SLCO6A1: variants seen among roughly 807,000 people sequenced by gnomAD.
The protein encoded by SLCO6A1 is solute carrier organic anion transporter family member 6A1.
A neutral mutation model predicts 72.7 loss-of-function variants in SLCO6A1; 65 were observed. That is an observed-to-expected ratio of 0.89 (90% CI 0.73 to 1.10). The LOEUF (loss-of-function observed/expected upper bound fraction) is 1.10, where lower values mean the gene tolerates loss of function less well. SLCO6A1 is among the 50% of genes least tolerant of loss of function. The pLI is 0.00. For synonymous variants in SLCO6A1, 314 were observed against 298.2 expected, an observed-to-expected ratio of 1.05 and a Z score of -0.55; for missense variants, 874 against 872.6, an observed-to-expected ratio of 1.00 and a Z score of -0.02.
chr5:102,450,391 A>G (rs993789242), intron 6 of SLCO6A1, among the ~76,000 whole-genome samples: 21 of 152,222 alleles, frequency 1.4e-4, no homozygotes, highest in African/African-American at 4.3e-4. Context: ...AGCGGGATAT[A>G]TTAGCCAAGT....
chr5:102,391,599 G>C (rs567165336), intron 10 of SLCO6A1, among the ~76,000 whole-genome samples: 1 of 151,984 alleles, frequency 6.6e-6, no homozygotes, highest in South Asian at 2.1e-4. Flanking sequence ...TGTTCCATGG[G>C]TGAAGGAGTC....
chr5:102,438,596 A>G (rs1037409205), intron 7 of SLCO6A1, 21 bp downstream of exon 7: 1 of 1,571,156 alleles, frequency 6.4e-7, no homozygotes, highest in Non-Finnish European at 8.6e-7. Context: ...TTTTGAAATG[A>G]CAATAAGAAG....
At chr5:102,448,687 C>A (rs573872219) in intron 6 of SLCO6A1, among the ~76,000 whole-genome samples, 1 of 152,162 alleles carries the variant, frequency 6.6e-6, no homozygotes, top group East Asian at 1.9e-4. Flanking sequence ...ATAAGAATAG[C>A]AATCCCTGCT....
rs1751976803 is a variant in SLCO6A1 at position 102,477,701 on chromosome 5, A to G, written c.777T>C (p.Ala259=). 1.9e-6 allele frequency: 3 copies of G among 1,613,180 alleles called. No individual in the cohort carries two copies. Among genetic ancestry groups the G allele is most frequent in the African/African-American group, 2.7e-5 (2 of 74,886 alleles). The change falls in exon 3 of 14, where the codon GCT becomes GCC. Residue 259 remains alanine, a synonymous_variant. Coordinates refer to ENST00000506729, the MANE Select transcript of SLCO6A1 (RefSeq NM_173488.5). ...CTAAATAGATACCAGCTGAGTGTGT[A>G]GCAACATTCTCATCAATAAAGGTTA... ...LGITFIDENV[A]THSAGIYLGI...
At chr5:102,417,166 T>C (rs1372041382) in intron 8 of SLCO6A1, among the ~76,000 whole-genome samples, 2 of 152,170 alleles carry the variant, frequency 1.3e-5, no homozygotes, top group Non-Finnish European at 2.9e-5. Flanking sequence ...ACTCCAGCTT[T>C]CTTTTGCTTG....
intron 7 of SLCO6A1, among the ~76,000 whole-genome samples, chr5:102,423,715 G>A (rs4639187): frequency 0.64 from 97,525 of 152,002 alleles, 31,462 homozygotes; most frequent in African/African-American, 0.66. Flanking sequence ...ACAGATCAAC[G>A]AGATAGAAAA....
chr5:102,430,818 T>G (rs553092965), intron 7 of SLCO6A1, among the ~76,000 whole-genome samples: 1 of 152,248 alleles, frequency 6.6e-6, no homozygotes, highest in Admixed American at 6.5e-5. Context: ...TAGAATGAGA[T>G]GGGCAGGAGT....
intron 13 of SLCO6A1, among the ~76,000 whole-genome samples, chr5:102,372,489 T>C (rs1260540773): frequency 6.6e-6 from 1 of 151,962 alleles, no homozygotes; most frequent in Non-Finnish European, 1.5e-5. Context: ...GTATAAAAAA[T>C]TATAACAAAA....
intron 3 of SLCO6A1, 92 bp from the exon 4 acceptor site, chr5:102,475,885 G>A (rs751068424): frequency 9.2e-6 from 8 of 869,938 alleles, no homozygotes; most frequent in Non-Finnish European, 1.4e-5. Flanking sequence ...ACTTCTGAAA[G>A]CTTTTCATAG....
chr5:102,373,149 TTAAA>T (rs1750715344), intron 13 of SLCO6A1, among the ~76,000 whole-genome samples, 184 bp downstream of exon 13: 1 of 151,932 alleles, frequency 6.6e-6, no homozygotes, highest in African/African-American at 2.4e-5. Flanking sequence ...ATTGAAAGTA[TTAAA>T]TGTGTATTTT....
intron 1 of SLCO6A1, among the ~76,000 whole-genome samples, chr5:102,495,787 A>G (rs1056218381): frequency 1.3e-5 from 2 of 151,872 alleles, no homozygotes; most frequent in Non-Finnish European, 2.9e-5. Context: ...AGAAGAGAGG[A>G]AGGGAGGGAA....
intron 7 of SLCO6A1, among the ~76,000 whole-genome samples, chr5:102,425,749 C>A (rs1318253030): frequency 6.6e-6 from 1 of 152,048 alleles, no homozygotes; most frequent in East Asian, 1.9e-4. Flanking sequence ...TGACTTTATC[C>A]ACAGAATTAG....
intron 12 of SLCO6A1, among the ~76,000 whole-genome samples, chr5:102,378,066 T>C (rs1449457844): frequency 1.3e-5 from 2 of 151,856 alleles, no homozygotes; most frequent in East Asian, 1.9e-4. Context: ...ATTTTTATTA[T>C]ACAATATATA....
At chr5:102,458,098 T>C (rs949734471) in intron 6 of SLCO6A1, among the ~76,000 whole-genome samples, 1 of 151,830 alleles carries the variant, frequency 6.6e-6, no homozygotes, top group African/African-American at 2.4e-5. Flanking sequence ...CAGGGGCCTG[T>C]TGTGGGGTGG....
chr5:102,495,871 C>A (rs879671531), intron 1 of SLCO6A1, among the ~76,000 whole-genome samples: 5 of 152,048 alleles, frequency 3.3e-5, no homozygotes, highest in Non-Finnish European at 5.9e-5. Context: ...TACAAAAAAA[C>A]CATACTCTGT....
chr5:102,401,001 G>C (rs979994313), intron 9 of SLCO6A1, among the ~76,000 whole-genome samples: 1 of 151,924 alleles, frequency 6.6e-6, no homozygotes, highest in Non-Finnish European at 1.5e-5. Context: ...AGGAACTTGA[G>C]TATTTAATGA....
At chr5:102,434,157 T>C (rs144344126) in intron 7 of SLCO6A1, among the ~76,000 whole-genome samples, 116 of 152,180 alleles carry the variant, frequency 7.6e-4, no homozygotes, top group African/African-American at 2.7e-3. Context: ...CACTGACTGC[T>C]CTTTGTTCTC....
At chr5:102,462,303 C>T (rs1751078891) in intron 4 of SLCO6A1, among the ~76,000 whole-genome samples, 1 of 152,114 alleles carries the variant, frequency 6.6e-6, no homozygotes, top group South Asian at 2.1e-4. Flanking sequence ...TGAAAATGAC[C>T]ATACTGCCAA....
intron 8 of SLCO6A1, among the ~76,000 whole-genome samples, chr5:102,414,924 TAAATA>T (rs1291545162): frequency 0.044 from 6,650 of 151,264 alleles, 198 homozygotes; most frequent in Non-Finnish European, 0.072. Context: ...AATAAATAAA[TAAATA>T]AATAAATAAA....
Sources: allele counts gnomAD v4.1 joint callset (sites outside exome capture counted in the v4.1 genomes callset), GRCh38; gene constraint gnomAD v4.1.1; transcripts MANE v1.5; gene names NCBI Gene and HGNC (gene_info 2026-07-23, HGNC 2026-07-21).